The following CDH13 variants were observed in gnomAD, a reference collection of about 807,000 sequenced individuals.
The protein encoded by CDH13 is cadherin-13.
Under a neutral mutation model 63.8 loss-of-function variants are expected in CDH13, and 24 were observed. The ratio of observed to expected loss-of-function variants is 0.38; its 90% CI spans 0.27 to 0.53. The LOEUF (loss-of-function observed/expected upper bound fraction) is 0.53, where lower values mean the gene tolerates loss of function less well. Among genes scored for constraint, CDH13 ranks in the 20% least tolerant of loss-of-function variants. The pLI is 0.85. For missense variants in CDH13, 1,049 were observed against 903.1 expected, an observed-to-expected ratio of 1.16 and a Z score of -2.07; for synonymous variants, 503 against 355.3, an observed-to-expected ratio of 1.42 and a Z score of -4.67.
chr16:83,791,985 A>G (rs1287487837), intron 13 of CDH13, among the ~76,000 whole-genome samples: 1 of 152,248 alleles, frequency 6.6e-6, no homozygotes, highest in Non-Finnish European at 1.5e-5. Flanking sequence ...GTCAAAATAC[A>G]GTTTCCTTTG....
intron 1 of CDH13, among the ~76,000 whole-genome samples, chr16:82,695,393 C>A (rs1012832954): frequency 6.6e-6 from 1 of 152,138 alleles, no homozygotes; most frequent in Non-Finnish European, 1.5e-5. Context: ...TTAATAAATT[C>A]TTTTTAACTC....
At chr16:83,585,276 C>G (rs74035203) in intron 7 of CDH13, among the ~76,000 whole-genome samples, 6,649 of 152,188 alleles carry the variant, frequency 0.044, 508 homozygotes, top group African/African-American at 0.15. Flanking sequence ...TTTATATTTG[C>G]CATCTCAGGA....
intron 1 of CDH13, among the ~76,000 whole-genome samples, chr16:82,672,101 C>A (rs1015285816): frequency 1.3e-5 from 2 of 152,208 alleles, no homozygotes; most frequent in African/African-American, 4.8e-5. Flanking sequence ...GTCTTTGAAG[C>A]TGGGCCGATT....
intron 9 of CDH13, among the ~76,000 whole-genome samples, chr16:83,676,797 T>G (rs1481339016): frequency 6.6e-6 from 1 of 152,218 alleles, no homozygotes; most frequent in African/African-American, 2.4e-5. Flanking sequence ...TAGCACTGAA[T>G]ACATGTCAGC....
chr16:83,304,131 A>G (rs1364440597), intron 5 of CDH13, among the ~76,000 whole-genome samples: 1 of 152,194 alleles, frequency 6.6e-6, no homozygotes, highest in Non-Finnish European at 1.5e-5. Context: ...CAAACTAGTA[A>G]TAGGAGATAA....
intron 1 of CDH13, among the ~76,000 whole-genome samples, chr16:82,762,074 C>A (rs141381687): frequency 6.6e-6 from 1 of 152,106 alleles, no homozygotes; most frequent in Admixed American, 6.5e-5. Context: ...AACCACAAAT[C>A]GGAAGCTAGA....
chr16:82,990,121 C>T (rs1911477097), intron 2 of CDH13: 1 of 152,108 alleles, frequency 6.6e-6, no homozygotes, highest in Non-Finnish European at 1.5e-5. Context: ...CTTGAAACAA[C>T]TTACCTTTAT....
intron 1 of CDH13, among the ~76,000 whole-genome samples, chr16:82,768,340 T>G (rs946538913): frequency 2.0e-5 from 3 of 152,242 alleles, no homozygotes; most frequent in African/African-American, 7.2e-5. Flanking sequence ...GCAATTAGTT[T>G]CATTGATATT....
At chr16:83,633,636 G>A (rs1399609898) in intron 8 of CDH13, among the ~76,000 whole-genome samples, 1 of 152,122 alleles carries the variant, frequency 6.6e-6, no homozygotes, top group Non-Finnish European at 1.5e-5. Context: ...GTATCTTCCT[G>A]GGCTGATTGC....
At chr16:82,799,144 G>T (rs147077024) in intron 1 of CDH13, among the ~76,000 whole-genome samples, 1 of 150,948 alleles carries the variant, frequency 6.6e-6, no homozygotes, top group Non-Finnish European at 1.5e-5. Context: ...AATGCCTTCA[G>T]CGTGTTCAAA....
intron 6 of CDH13, among the ~76,000 whole-genome samples, chr16:83,393,625 A>G (rs2091829185): frequency 6.6e-6 from 1 of 152,236 alleles, no homozygotes; most frequent in Non-Finnish European, 1.5e-5. Context: ...TACTGAAAGA[A>G]TGAATGAATT....
intron 11 of CDH13, among the ~76,000 whole-genome samples, chr16:83,770,078 C>A (rs762159901): frequency 6.6e-6 from 1 of 152,126 alleles, no homozygotes; most frequent in African/African-American, 2.4e-5. Flanking sequence ...CAAAACCTGA[C>A]CCTGTTTCTC....
At chr16:83,244,853 A>G (rs1904829625) in intron 5 of CDH13, among the ~76,000 whole-genome samples, 1 of 152,208 alleles carries the variant, frequency 6.6e-6, no homozygotes, top group African/African-American at 2.4e-5. Context: ...CTTACTGCCC[A>G]GAGTTTTTCC....
intron 5 of CDH13, among the ~76,000 whole-genome samples, chr16:83,304,756 G>C (rs1305027674): frequency 6.6e-6 from 1 of 152,122 alleles, no homozygotes; most frequent in Non-Finnish European, 1.5e-5. Flanking sequence ...AATAGTCTGG[G>C]AGTAAATTCA....
intron 6 of CDH13, among the ~76,000 whole-genome samples, chr16:83,449,296 G>A (rs534185094): frequency 1.3e-5 from 2 of 152,200 alleles, no homozygotes; most frequent in African/African-American, 2.4e-5. Context: ...GAAAGTAAAC[G>A]AAGAGGATCA....
At chr16:83,782,972 G>A (rs1385347786) in intron 12 of CDH13, among the ~76,000 whole-genome samples, 1 of 151,968 alleles carries the variant, frequency 6.6e-6, no homozygotes, top group Non-Finnish European at 1.5e-5. Context: ...TTATAATCGC[G>A]CCGAGGCACA....
chr16:82,722,289 G>A (rs140183100), intron 1 of CDH13, among the ~76,000 whole-genome samples: 7 of 152,222 alleles, frequency 4.6e-5, no homozygotes, highest in African/African-American at 1.7e-4. Flanking sequence ...TTGTTAAATG[G>A]TTTCTCTCCA....
intron 1 of CDH13, among the ~76,000 whole-genome samples, chr16:82,764,741 T>C (rs1206274176): frequency 6.6e-6 from 1 of 151,912 alleles, no homozygotes; most frequent in Non-Finnish European, 1.5e-5. Flanking sequence ...CTGGTTTGTG[T>C]CCCTTTATCT....
chr16:82,715,812 C>T (rs2032328489), intron 1 of CDH13, among the ~76,000 whole-genome samples: 1 of 152,154 alleles, frequency 6.6e-6, no homozygotes, highest in African/African-American at 2.4e-5. Context: ...ACAGTCTCAC[C>T]TCATTCCTAC....
Sources: allele counts gnomAD v4.1 joint callset (sites outside exome capture counted in the v4.1 genomes callset), GRCh38; gene constraint gnomAD v4.1.1; transcripts MANE v1.5; gene names NCBI Gene and HGNC (gene_info 2026-07-23, HGNC 2026-07-21).